RNF125: variants seen among roughly 807,000 people sequenced by gnomAD.
RNF125 encodes ring finger protein 125.
Under a neutral mutation model 26.0 loss-of-function variants are expected in RNF125, and 21 were observed. The ratio of observed to expected loss-of-function variants is 0.81; its 90% CI spans 0.57 to 1.16. The LOEUF is 1.16. Among genes scored for constraint, RNF125 ranks in the 50% most tolerant of loss-of-function variants. RNF125 has a pLI of 0.00. For missense variants in RNF125, 270 were observed against 299.4 expected (o/e 0.90, Z 0.72); for synonymous variants, 95 against 109.2 (o/e 0.87, Z 0.81).
At chr18:32,056,967 G>A (rs181595300) in intron 4 of RNF125, among the ~76,000 whole-genome samples, 1 of 152,278 alleles carries the variant, frequency 6.6e-6, no homozygotes, top group Admixed American at 6.5e-5. Context: ...TTTTTACACA[G>A]TCGTAGAGAA....
chr18:32,088,366 C>T, the RNF125 span, among the ~76,000 whole-genome samples: 1 of 152,190 alleles, frequency 6.6e-6, no homozygotes, highest in Admixed American at 6.5e-5. Context: ...TCACTTTTAC[C>T]AGCAAAACAG....
chr18:32,022,315 G>A (rs2038993637), intron 1 of RNF125, among the ~76,000 whole-genome samples: 1 of 152,148 alleles, frequency 6.6e-6, no homozygotes, highest in Non-Finnish European at 1.5e-5. Flanking sequence ...AGTAGTAACT[G>A]GCCCTTACAG....
At chr18:32,042,901 C>T (rs1428046512) in intron 3 of RNF125, among the ~76,000 whole-genome samples, 1 of 151,696 alleles carries the variant, frequency 6.6e-6, no homozygotes, top group East Asian at 1.9e-4. Flanking sequence ...GCAATCCCAG[C>T]ACTTTGGGAG....
At chr18:32,087,198 T>G in the RNF125 span, among the ~76,000 whole-genome samples, 1 of 152,004 alleles carries the variant, frequency 6.6e-6, no homozygotes, top group African/African-American at 2.4e-5. Context: ...CTCTGAGTTC[T>G]GTGTGCTGCT....
At chr18:32,026,920 G>A (rs1044871782) in intron 1 of RNF125, among the ~76,000 whole-genome samples, 3 of 152,162 alleles carry the variant, frequency 2.0e-5, no homozygotes, top group Non-Finnish European at 2.9e-5. Context: ...AGAAAGCAAG[G>A]TTTTGCCAGC....
chr18:32,028,586 C>CTT (rs71177830), intron 1 of RNF125, among the ~76,000 whole-genome samples: 2 of 127,690 alleles, frequency 1.6e-5, no homozygotes, highest in African/African-American at 3.0e-5. Context: ...ATTTTGTTTC[C>CTT]TTTTTTTTTT....
At chr18:32,048,651 G>C (rs1056077940) in intron 4 of RNF125, among the ~76,000 whole-genome samples, 1 of 152,086 alleles carries the variant, frequency 6.6e-6, no homozygotes, top group Non-Finnish European at 1.5e-5. Context: ...AAACCCCTGT[G>C]GTCTATAGCA....
At chr18:32,060,467 T>C (rs336277) in intron 4 of RNF125, among the ~76,000 whole-genome samples, 88,437 of 152,114 alleles carry the variant, frequency 0.58, 26,250 homozygotes, top group African/African-American at 0.71. Context: ...AGCTATTATT[T>C]GCCCATTGCA....
the RNF125 span, among the ~76,000 whole-genome samples, chr18:32,079,117 C>A: frequency 6.6e-6 from 1 of 152,258 alleles, no homozygotes; most frequent in Non-Finnish European, 1.5e-5. Flanking sequence ...AAATTCAATT[C>A]ATGTGTCAAT....
intron 2 of RNF125, among the ~76,000 whole-genome samples, chr18:32,037,673 A>G (rs2039172924): frequency 6.6e-6 from 1 of 152,062 alleles, no homozygotes; most frequent in African/African-American, 2.4e-5. Flanking sequence ...CTTCCCGGGT[A>G]GAGTGGGGAC....
chr18:32,033,198 G>A (rs75817482), intron 1 of RNF125, among the ~76,000 whole-genome samples: 32 of 152,320 alleles, frequency 2.1e-4, no homozygotes, highest in African/African-American at 7.7e-4. Context: ...AAAGGGAGAA[G>A]AGGACATAGG....
At chr18:32,048,021 G>A (rs553141387) in intron 4 of RNF125, among the ~76,000 whole-genome samples, 3 of 152,188 alleles carry the variant, frequency 2.0e-5, no homozygotes, top group East Asian at 1.9e-4. Flanking sequence ...CCAGCTACTC[G>A]GGAGGCTGAG....
chr18:32,041,213 A>G lies in RNF125; in HGVS notation c.319-966A>G, dbSNP rs1003650438. ...TCATGGTTAGGCTCTCTGAATGTAT[A>G]TGTGAAAGAACAAGGGCTCTTTATT... On this transcript the variant is annotated intron_variant, in intron 2 of 5. Transcript: ENST00000217740. 4.6e-5 allele frequency among the ~76,000 whole-genome samples: 7 copies of G among 152,196 alleles called. 1 individual carries two copies. The highest frequency in any genetic ancestry group is 7.2e-5 in the African/African-American group (3 of 41,446).
chr18:32,049,104 T>C (rs2039300430), intron 4 of RNF125, among the ~76,000 whole-genome samples: 1 of 152,192 alleles, frequency 6.6e-6, no homozygotes, highest in Admixed American at 6.5e-5. Context: ...GTGTACCTGC[T>C]CCAGCAGAAA....
intron 4 of RNF125, among the ~76,000 whole-genome samples, chr18:32,050,133 T>C (rs1337801908): frequency 6.6e-6 from 1 of 152,198 alleles, no homozygotes; most frequent in Non-Finnish European, 1.5e-5. Flanking sequence ...TAAATGATTC[T>C]TCTGACTTCC....
Position 32,029,385 on chromosome 18 carries a change from G to A in RNF125, c.165-7731G>A, listed in dbSNP as rs186968065. Among the ~76,000 whole-genome samples the A allele has an allele frequency of 8.3e-4, 126 of 151,536 alleles. 2 individuals are homozygous for A. Among genetic ancestry groups the A allele is most frequent in the South Asian group, 2.3e-3 (11 of 4,778 alleles). On this transcript the variant is annotated intron_variant, in intron 1 of 5. Transcript: ENST00000217740. ...TTCATGCCTGTAATCTCAGCACTTC[G>A]GGAGGCTGAGGTGGAACTGCTTGAA...
intron 1 of RNF125, among the ~76,000 whole-genome samples, chr18:32,029,027 C>G (rs2039067088): frequency 6.6e-6 from 1 of 152,114 alleles, no homozygotes. Flanking sequence ...ACCCCAGGAA[C>G]AGATATTATT....
Position 32,068,439 on chromosome 18 carries a change from C to A in RNF125, c.*55C>A. ...CTGAATTGCACCATTTAAGATGCTG[C>A]TTGAACAAATGGGAGGGAAGTTGTC... On this transcript the variant is annotated 3_prime_UTR_variant, in exon 6 of 6. Coordinates refer to ENST00000217740, the MANE Select transcript of RNF125 (RefSeq NM_017831.4). 1 of 1,012,146 alleles carries A rather than the reference C, an allele frequency of 9.9e-7. No individual in the cohort carries two copies. The highest frequency in any genetic ancestry group is 1.6e-6 in the Non-Finnish European group (1 of 638,868). 62.7% of individuals were successfully genotyped at this position (1,012,146 alleles called of 1,614,324 possible).
chr18:32,064,140 G>C (rs1173315299), intron 4 of RNF125, among the ~76,000 whole-genome samples: 1 of 151,926 alleles, frequency 6.6e-6, no homozygotes, highest in Non-Finnish European at 1.5e-5. Context: ...GACTACAGGT[G>C]TGCACCACCA....
Sources: allele counts gnomAD v4.1 joint callset (sites outside exome capture counted in the v4.1 genomes callset), GRCh38; gene constraint gnomAD v4.1.1; transcripts MANE v1.5; gene names NCBI Gene and HGNC (gene_info 2026-07-23, HGNC 2026-07-21).